The following MSANTD3 variants were observed in gnomAD, a reference collection of about 807,000 sequenced individuals.
MSANTD3 encodes the protein myb/SANT-like DNA-binding domain-containing protein 3.
In MSANTD3, 11 loss-of-function variants were observed where a neutral mutation model predicts 27.7. That is an observed-to-expected ratio of 0.40 (90% CI 0.25 to 0.66). The LOEUF is 0.66. MSANTD3 is among the 30% of genes least tolerant of loss of function. The probability of loss-of-function intolerance (pLI) is 0.41; values close to 1 mark genes in which losing one functional copy is unlikely to be tolerated. For synonymous variants in MSANTD3, 131 were observed against 127.2 expected (o/e 1.03, Z -0.20); for missense variants, 250 against 336.5 (o/e 0.74, Z 2.01).
At chr9:100,446,304 G>A (rs575070833) in intron 2 of MSANTD3, among the ~76,000 whole-genome samples, 1 of 152,264 alleles carries the variant, frequency 6.6e-6, no homozygotes, top group East Asian at 1.9e-4. Context: ...TTCCAGTCAT[G>A]GCACCCCAGC....
chr9:100,445,332 GCTGT>G (rs1465266156), intron 2 of MSANTD3: 2 of 798,866 alleles, frequency 2.5e-6, no homozygotes, highest in Non-Finnish European at 4.2e-6. Context: ...CTAACACTGT[GCTGT>G]CTAATACAGT....
intron 1 of MSANTD3, among the ~76,000 whole-genome samples, chr9:100,439,522 T>A (rs1293285513): frequency 6.6e-6 from 1 of 151,872 alleles, no homozygotes; most frequent in African/African-American, 2.4e-5. Flanking sequence ...TTTTAATTTT[T>A]TTTTCGAGAC....
In MSANTD3 at chr9:100,442,274, C is replaced by T. The variant is rs1445854855; in HGVS notation, c.336C>T (p.Ala112=). The T allele has an allele frequency of 6.2e-7, 1 of 1,614,152 alleles. No individual in the cohort carries two copies. The highest frequency in any genetic ancestry group is 8.5e-7 in the Non-Finnish European group (1 of 1,180,052). The change falls in exon 2 of 3, where the codon GCC becomes GCT. Residue 112 remains alanine (A), a synonymous_variant. Coordinates refer to ENST00000395067, the MANE Select transcript of MSANTD3 (RefSeq NM_080655.3). The stretch of plus-strand genomic sequence containing the variant: ...ACGTCCTAGGGAAGGAGAAGATCGC[C>T]AGCATGCTGCCGGAGCAGCTCTACT... ...STHVLGKEKI[A]SMLPEQLYFL...
chr9:100,442,344 G>A lies in MSANTD3; in HGVS notation c.406G>A (p.Ala136Thr), dbSNP rs776217356. ...GGAGGAGCCCGAATACCACCCCGAC[G>A]CCTCAGCCCAAGGTATCCGTTCCTG... ...PEEEPEYHPD[A>T]SAQESFAVSN... is the part of the protein sequence containing the mutation. Residue 136 changes from alanine (A) to threonine (T), a missense_variant, in exon 2 of 3, where the codon GCC (alanine) becomes ACC (threonine). Physicochemically the swap from Ala to Thr is moderately conservative, Grantham distance 58. This residue lies in a region of MSANTD3 where 235 missense variants were observed against 299.3 expected (regional missense o/e 0.79). Coordinates refer to ENST00000395067, the MANE Select transcript of MSANTD3 (RefSeq NM_080655.3). 1.9e-6 allele frequency: 3 copies of A among 1,611,320 alleles called. No homozygotes were observed. Among genetic ancestry groups the A allele is most frequent in the South Asian group, 1.1e-5 (1 of 91,014 alleles).
intron 2 of MSANTD3, among the ~76,000 whole-genome samples, chr9:100,443,460 C>T (rs147048320): frequency 2.2e-4 from 33 of 151,440 alleles, no homozygotes; most frequent in African/African-American, 7.5e-4. Flanking sequence ...ATATGATAAA[C>T]GCCTGTTTTA....
intron 1 of MSANTD3, among the ~76,000 whole-genome samples, chr9:100,440,921 G>A (rs559971449): frequency 2.6e-4 from 37 of 144,956 alleles, no homozygotes; most frequent in Middle Eastern, 4.0e-3. Context: ...CACTGTGCCC[G>A]GCTGTACATC....
chr9:100,445,416 G>T (rs1836731295), intron 2 of MSANTD3, among the ~76,000 whole-genome samples: 1 of 151,964 alleles, frequency 6.6e-6, no homozygotes, highest in Non-Finnish European at 1.5e-5. Flanking sequence ...TGCTATAATT[G>T]TGCACACCAC....
At chr9:100,440,953 T>A (rs1158702160) in intron 1 of MSANTD3, among the ~76,000 whole-genome samples, 1 of 132,756 alleles carries the variant, frequency 7.5e-6, no homozygotes, top group Non-Finnish European at 1.7e-5. Context: ...TTTTTTTTTT[T>A]GAGATGGAGT....
intron 1 of MSANTD3, among the ~76,000 whole-genome samples, chr9:100,432,134 C>T (rs1011701670): frequency 2.6e-5 from 4 of 152,006 alleles, no homozygotes; most frequent in East Asian, 3.9e-4. Flanking sequence ...CACACTCAGG[C>T]GCAGATGATG....
chr9:100,446,183 C>T (rs1278649654), intron 2 of MSANTD3, among the ~76,000 whole-genome samples: 1 of 152,156 alleles, frequency 6.6e-6, no homozygotes, highest in African/African-American at 2.4e-5. Context: ...ATTCTATGCT[C>T]TAAAGTGATA....
chr9:100,432,167 A>G (rs1022037116), intron 1 of MSANTD3, among the ~76,000 whole-genome samples: 5 of 152,150 alleles, frequency 3.3e-5, no homozygotes, highest in African/African-American at 1.2e-4. Flanking sequence ...TCCAAGTTAC[A>G]TGGCTGCCTG....
chr9:100,450,534 T>A lies in MSANTD3; in HGVS notation c.419-23T>A, dbSNP rs200358052. ...TCTGCCTGTAAAATCTTTGAACATA[T>A]GTTTTCTGCTACTGTTTTTCAGAAT... On this transcript the variant is annotated intron_variant, in intron 2 of 2. Coordinates refer to ENST00000395067, the MANE Select transcript of MSANTD3 (RefSeq NM_080655.3). 8 of 1,515,848 alleles carry A rather than the reference T, an allele frequency of 5.3e-6. No individual in the cohort carries two copies. The East Asian group carries it at 1.8e-4, about 35-fold the overall frequency. 93.9% of individuals were successfully genotyped at this position (1,515,848 alleles called of 1,614,324 possible).
intron 1 of MSANTD3, among the ~76,000 whole-genome samples, chr9:100,428,906 G>A (rs1836301477): frequency 6.6e-6 from 1 of 152,150 alleles, no homozygotes; most frequent in Non-Finnish European, 1.5e-5. Context: ...AAAAGGCTTT[G>A]GATCCTGAAG....
intron 2 of MSANTD3, chr9:100,444,781 T>C (rs1836713366): frequency 6.3e-6 from 1 of 158,366 alleles, no homozygotes; most frequent in African/African-American, 2.4e-5. Flanking sequence ...GTTTTTTCTC[T>C]TTCTCTTTGG....
chr9:100,451,240 G>T lies in MSANTD3; in HGVS notation c.*274G>T. ...TAGAATTCATACAAGAACCACGTGT[G>T]AGTGTTGTTGTTGTTGTTTTTTTTT... On this transcript the variant is annotated 3_prime_UTR_variant, in exon 3 of 3. Coordinates refer to ENST00000395067, the MANE Select transcript of MSANTD3 (RefSeq NM_080655.3). 1 of 329,922 alleles carries T rather than the reference G, an allele frequency of 3.0e-6. No individual in the cohort carries two copies. Among genetic ancestry groups the T allele is most frequent in the East Asian group, 4.7e-5 (1 of 21,228 alleles). 20.4% of individuals were successfully genotyped at this position (329,922 alleles called of 1,614,324 possible). A position where few individuals can be genotyped will look rare whatever the true frequency, so the allele number is the denominator to read the frequency against.
Position 100,442,050 on chromosome 9 carries a change from GAT to G in MSANTD3, c.113_114del (p.Asp38GlyfsTer7). ...YKYVLECKKS[D>X]ARTIALKQRT... is the part of the protein sequence containing the mutation. ...ATATGTGCTGGAATGTAAGAAAAGT[GAT>G]GCGCGAACTATTGCCCTTAAGCAGC... On this transcript the variant is annotated frameshift_variant, in exon 2 of 3. Coordinates refer to ENST00000395067, the MANE Select transcript of MSANTD3 (RefSeq NM_080655.3). LOFTEE classifies it high-confidence loss of function. The G allele has an allele frequency of 6.2e-7, 1 of 1,614,242 alleles. No homozygotes were observed. Among genetic ancestry groups the G allele is most frequent in the Non-Finnish European group, 8.5e-7 (1 of 1,180,046 alleles).
chr9:100,449,893 A>G (rs1836844395), intron 2 of MSANTD3, among the ~76,000 whole-genome samples: 1 of 152,126 alleles, frequency 6.6e-6, no homozygotes, highest in Non-Finnish European at 1.5e-5. Flanking sequence ...TAATGGAGGA[A>G]AGAAATTTCA....
intron 2 of MSANTD3, among the ~76,000 whole-genome samples, chr9:100,445,867 C>G (rs1836740576): frequency 6.6e-6 from 1 of 152,140 alleles, no homozygotes; most frequent in Non-Finnish European, 1.5e-5. Context: ...TTCGAACACA[C>G]TAGTCTTAAA....
intron 2 of MSANTD3, among the ~76,000 whole-genome samples, chr9:100,447,305 A>G (rs1836777999): frequency 6.6e-6 from 1 of 152,160 alleles, no homozygotes; most frequent in African/African-American, 2.4e-5. Context: ...TTAATTAACT[A>G]TACCATTGAG....
Sources: allele counts gnomAD v4.1 joint callset (sites outside exome capture counted in the v4.1 genomes callset), GRCh38; gene constraint gnomAD v4.1.1; regional missense constraint gnomAD v4.1.1; transcripts MANE v1.5; gene names NCBI Gene and HGNC (gene_info 2026-07-23, HGNC 2026-07-21).